PTPRN2: variants seen among roughly 807,000 people sequenced by gnomAD.
PTPRN2 encodes receptor-type tyrosine-protein phosphatase N2.
A neutral mutation model predicts 118.8 loss-of-function variants in PTPRN2; 74 were observed. The observed-to-expected ratio is 0.62, with a 90% CI of 0.52 to 0.76. The LOEUF (loss-of-function observed/expected upper bound fraction) is 0.76, where lower values mean the gene tolerates loss of function less well. Ranked by LOEUF, PTPRN2 falls within the 30% of genes least tolerant of loss-of-function variation. The pLI is 0.00. For missense variants in PTPRN2, 1,481 were observed against 1,394.4 expected (o/e 1.06, Z -0.99); for synonymous variants, 641 against 608.0 (o/e 1.05, Z -0.80).
intron 13 of PTPRN2, among the ~76,000 whole-genome samples, chr7:157,665,031 G>C (rs1259895400): frequency 6.6e-6 from 1 of 152,220 alleles, no homozygotes; most frequent in Non-Finnish European, 1.5e-5. Context: ...ACCGGCAGTG[G>C]TGCCAAGCAG....
At chr7:158,551,974 T>A (rs1166738217) in intron 1 of PTPRN2, among the ~76,000 whole-genome samples, 3 of 10,026 alleles carry the variant, frequency 3.0e-4, no homozygotes, top group Admixed American at 1.2e-3. Flanking sequence ...CCATTGCATC[T>A]GGAGTGGGGC....
chr7:158,136,498 T>C (rs1585568498), intron 8 of PTPRN2, among the ~76,000 whole-genome samples, 157 bp downstream of exon 8: 1 of 152,348 alleles, frequency 6.6e-6, no homozygotes, highest in Middle Eastern at 3.4e-3. Context: ...TTGTATGTTC[T>C]CTTTATACTG....
chr7:158,541,019 G>A (rs1476919525), intron 1 of PTPRN2, among the ~76,000 whole-genome samples: 4 of 152,174 alleles, frequency 2.6e-5, no homozygotes, highest in African/African-American at 4.8e-5. Context: ...GCTGAGGCTC[G>A]GAGAGGTTAA....
chr7:157,601,562 A>T (rs760484805), intron 16 of PTPRN2, among the ~76,000 whole-genome samples: 1 of 152,236 alleles, frequency 6.6e-6, no homozygotes, highest in Non-Finnish European at 1.5e-5. Context: ...TAAGGCCTGG[A>T]GAGGGAGTTG....
chr7:157,725,364 T>A (rs57048565), intron 12 of PTPRN2, among the ~76,000 whole-genome samples: 14 of 9,034 alleles, frequency 1.5e-3, no homozygotes, highest in African/African-American at 5.4e-3. Context: ...CAGAGGAGTG[T>A]GGCCAGACCC....
chr7:157,922,674 G>T (rs751028655), intron 11 of PTPRN2, among the ~76,000 whole-genome samples: 1 of 152,164 alleles, frequency 6.6e-6, no homozygotes. Context: ...CTGCAGTAAG[G>T]TTGGTTCTTT....
chr7:157,756,039 T>C (rs756524767), intron 12 of PTPRN2, among the ~76,000 whole-genome samples: 1 of 152,136 alleles, frequency 6.6e-6, no homozygotes, highest in African/African-American at 2.4e-5. Flanking sequence ...TACCCTGACA[T>C]TTTATGGGTA....
intron 2 of PTPRN2, among the ~76,000 whole-genome samples, chr7:158,377,281 T>G (rs1264425163): frequency 6.6e-6 from 1 of 152,116 alleles, no homozygotes; most frequent in Non-Finnish European, 1.5e-5. Flanking sequence ...CTGTCACACA[T>G]CAAGCACGCG....
chr7:157,962,289 A>T (rs1057507996), intron 11 of PTPRN2, among the ~76,000 whole-genome samples: 7 of 152,220 alleles, frequency 4.6e-5, no homozygotes, highest in Non-Finnish European at 2.9e-5. Flanking sequence ...GCAGGATGAG[A>T]TCCGAATGTG....
Position 158,237,646 on chromosome 7 carries a change from G to A in PTPRN2, c.278-32373C>T, listed in dbSNP as rs1279852423. Among the ~76,000 whole-genome samples the A allele has an allele frequency of 1.0e-4, 2 of 19,102 alleles. 1 individual carries two copies. The highest frequency in any genetic ancestry group is 3.4e-3 in the East Asian group (2 of 596). 12.5% of individuals were successfully genotyped at this position (19,102 alleles called of 152,430 possible). A position where few individuals can be genotyped will look rare whatever the true frequency, so the allele number is the denominator to read the frequency against. The stretch of plus-strand genomic sequence containing the variant: ...CCATATGCTGAACGCTGGTTCCCCG[G>A]GTCCCCTTATTTCTTTCTCTATACT... On this transcript the variant is annotated intron_variant, in intron 3 of 22. Coordinates refer to ENST00000389418, the MANE Select transcript of PTPRN2 (RefSeq NM_002847.5).
At position 158,310,443 on chromosome 7, in the gene PTPRN2, G is replaced by C. The variant is rs1034561024; in HGVS notation, c.277+6376C>G. On this transcript the variant is annotated intron_variant, in intron 3 of 22. Transcript: ENST00000389418. ...GAGAAGAGGCTGTGCTCCTCGCAGAGTGGTGAGGACCATGGCCGAATGCGT... is the reference window on the plus strand; with the variant it reads ...GAGAAGAGGCTGTGCTCCTCGCAGACTGGTGAGGACCATGGCCGAATGCGT... 3.9e-5 allele frequency among the ~76,000 whole-genome samples: 6 copies of C among 152,362 alleles called. No homozygotes were observed. The South Asian group carries it at 6.2e-4, about 16-fold the overall frequency.
chr7:158,497,304 C>A (rs1328073009), intron 1 of PTPRN2, among the ~76,000 whole-genome samples: 1 of 148,192 alleles, frequency 6.7e-6, no homozygotes, highest in South Asian at 2.2e-4. Flanking sequence ...GTGACCCAGC[C>A]CCACCCTGCC....
At chr7:157,555,753 T>C (rs896080405) in intron 21 of PTPRN2, among the ~76,000 whole-genome samples, 2 of 152,214 alleles carry the variant, frequency 1.3e-5, no homozygotes, top group Non-Finnish European at 2.9e-5. Flanking sequence ...AGGCCTTTAC[T>C]TGCAGGAGAA....
intron 3 of PTPRN2, among the ~76,000 whole-genome samples, chr7:158,247,864 C>A (rs968666624): frequency 2.6e-5 from 4 of 152,160 alleles, no homozygotes; most frequent in Non-Finnish European, 5.9e-5. Context: ...GATCCACCCA[C>A]CTTGGCCTCC....
At chr7:158,236,002 G>A (rs1829510728) in intron 3 of PTPRN2, among the ~76,000 whole-genome samples, 1 of 152,262 alleles carries the variant, frequency 6.6e-6, no homozygotes. Flanking sequence ...CTAGGACACG[G>A]AGACGTCGTG....
intron 12 of PTPRN2, among the ~76,000 whole-genome samples, chr7:157,849,739 C>T (rs558738831): frequency 3.3e-5 from 5 of 152,350 alleles, no homozygotes; most frequent in African/African-American, 1.2e-4. Context: ...CATTTCCCAT[C>T]AAGAAGCCTT....
chr7:157,935,979 C>T (rs779577328), intron 11 of PTPRN2, among the ~76,000 whole-genome samples: 15 of 144,102 alleles, frequency 1.0e-4, no homozygotes, highest in East Asian at 8.5e-4. Flanking sequence ...GCATCTGTGT[C>T]GCTCCCTCAG....
In PTPRN2 at chr7:157,583,932, A is replaced by T. The variant is rs1169899926; in HGVS notation, c.2497-5792T>A. On this transcript the variant is annotated intron_variant, in intron 17 of 22. Coordinates refer to ENST00000389418, the MANE Select transcript of PTPRN2 (RefSeq NM_002847.5). The surrounding 1 kb of genome is among the most constrained non-coding windows in gnomAD (Gnocchi z 5.5). ...CACACACACACACACACACACACAC[A>T]CACTCTTAAAATAAGCTCTCCTGAA... Among the ~76,000 whole-genome samples, 3 of 134,772 alleles carry T rather than the reference A, an allele frequency of 2.2e-5. No homozygotes were observed. The highest frequency in any genetic ancestry group is 7.5e-5 in the Admixed American group (1 of 13,366). 88.4% of individuals were successfully genotyped at this position (134,772 alleles called of 152,430 possible).
At chr7:158,447,399 G>A (rs982719822) in intron 2 of PTPRN2, among the ~76,000 whole-genome samples, 1 of 152,346 alleles carries the variant, frequency 6.6e-6, no homozygotes, top group African/African-American at 2.4e-5. Context: ...GAGGAAGGCA[G>A]CTAATAACCA....
Sources: gnomAD v4.1 joint callset for allele counts (sites outside exome capture counted in the v4.1 genomes callset) on GRCh38, gnomAD v4.1.1 for gene constraint, Gnocchi (gnomAD v3.1) non-coding constraint, MANE v1.5 for transcripts, NCBI Gene and HGNC (gene_info 2026-07-23, HGNC 2026-07-21) for gene names.